MTSS2: variants seen among roughly 807,000 people sequenced by gnomAD.
MTSS2 encodes the protein MTSS I-BAR domain containing 2, also known as protein MTSS 2.
MTSS2 carries 27 observed loss-of-function variants against 67.1 expected under a neutral mutation model. That is an observed-to-expected ratio of 0.40 (90% confidence interval 0.30 to 0.55). The LOEUF (loss-of-function observed/expected upper bound fraction) is 0.55, where lower values mean the gene tolerates loss of function less well. Ranked by LOEUF, MTSS2 falls within the 20% of genes least tolerant of loss-of-function variation. MTSS2 has a pLI of 0.43. For missense variants in MTSS2, 1,171 were observed against 1,067.8 expected, an observed-to-expected ratio of 1.10 and a Z score of -1.35; for synonymous variants, 624 against 468.6, an observed-to-expected ratio of 1.33 and a Z score of -4.28.
Position 70,663,589 on chromosome 16 carries a change from G to A in MTSS2, c.*88C>T, listed in dbSNP as rs538087075. ...CTGCCCTGGCTCTGTCCTCTCTCCT[G>A]GCTGGGCCTTTGCTCTGAGTGCCTG... On this transcript the variant is annotated 3_prime_UTR_variant, in exon 15 of 15. Coordinates refer to ENST00000338779, the MANE Select transcript of MTSS2 (RefSeq NM_138383.3). 6.9e-7 allele frequency: 1 copy of A among 1,454,990 alleles called. No homozygotes were observed. The highest frequency in any genetic ancestry group is 1.5e-5 in the South Asian group (1 of 68,516). 90.1% of individuals were successfully genotyped at this position (1,454,990 alleles called of 1,614,324 possible).
In MTSS2 at chr16:70,661,768, C is replaced by T. The variant is rs537202793; in HGVS notation, c.*1909G>A. ...ACGAGCCCCCCTCTCTGGGTAGCCC[C>T]TGCCTCCTTTCCCATCAGGACCTCT... On this transcript the variant is annotated 3_prime_UTR_variant, in exon 15 of 15. Transcript: ENST00000338779. 1.6e-5 allele frequency: 3 copies of T among 191,494 alleles called. No individual in the cohort carries two copies. The highest frequency in any genetic ancestry group is 3.2e-5 in the Non-Finnish European group (3 of 92,622). 11.9% of individuals were successfully genotyped at this position (191,494 alleles called of 1,614,324 possible).
rs1597813823 is a variant in MTSS2 at position 70,674,297 on chromosome 16, C to T, written c.1053+9G>A. The T allele has an allele frequency of 1.9e-6, 3 of 1,611,544 alleles. No individual in the cohort carries two copies. The highest frequency in any genetic ancestry group is 1.7e-6 in the Non-Finnish European group (2 of 1,178,984). ...CCCACCCTGACTGATCCTCCTAACGCCCCCTCACCTGGCTGGTGATGTCTG... is the reference window on the plus strand; with the variant it reads ...CCCACCCTGACTGATCCTCCTAACGTCCCCTCACCTGGCTGGTGATGTCTG... On this transcript the variant is annotated intron_variant, in intron 11 of 14. Transcript: ENST00000338779.
In MTSS2 at chr16:70,663,935, G is replaced by A. The variant is rs757136499; in HGVS notation, c.1986C>T (p.Asp662=). The stretch of plus-strand genomic sequence containing the variant: ...GGTTGGCCGCCAGCTGCTGCTGCTC[G>A]TCCTCGGCCCCTGCCCCGGGGTACC... ...AAGYPGAGAE[D]EQQQLAANRH... The change falls in exon 15 of 15, where the codon GAC becomes GAT. Residue 662 remains aspartate, a synonymous_variant. Coordinates refer to ENST00000338779, the MANE Select transcript of MTSS2 (RefSeq NM_138383.3). 6.4e-5 allele frequency: 99 copies of A among 1,555,172 alleles called. 1 individual carries two copies. In the East Asian group the frequency reaches 6.4e-4, roughly 10 times the overall value.
intron 1 of MTSS2, among the ~76,000 whole-genome samples, chr16:70,684,311 G>A (rs546886376): frequency 5.3e-5 from 8 of 152,068 alleles, no homozygotes; most frequent in African/African-American, 9.7e-5. Context: ...GGGGGCCAGC[G>A]GAGGGGCCCA....
In MTSS2 at chr16:70,664,942, G is replaced by A. The variant is rs900947997; in HGVS notation, c.1283C>T (p.Ser428Phe). ...SGEEAPRPRM[S>F]PATIAAKHGE... ...TACCTTGGCTGCGATGGTGGCAGGGGACATCCGGGGTCGCGGTGCCTCTTC... is the reference window on the plus strand; with the variant it reads ...TACCTTGGCTGCGATGGTGGCAGGGAACATCCGGGGTCGCGGTGCCTCTTC... Residue 428 changes from serine to phenylalanine, a missense_variant, in exon 13 of 15, where the codon TCC (serine) becomes TTC (phenylalanine). By Grantham distance (155) the Ser-to-Phe change is radical. Coordinates refer to ENST00000338779, the MANE Select transcript of MTSS2 (RefSeq NM_138383.3). 70 of 1,557,604 alleles carry A rather than the reference G, an allele frequency of 4.5e-5. No homozygotes were observed. Among genetic ancestry groups the A allele is most frequent in the Non-Finnish European group, 5.8e-5 (67 of 1,158,298 alleles).
chr16:70,679,651 GC>G lies in MTSS2; in HGVS notation c.435del (p.Lys145AsnfsTer46), dbSNP rs1244021144. 1 of 1,608,778 alleles carries G rather than the reference GC, an allele frequency of 6.2e-7. No homozygotes were observed. The highest frequency in any genetic ancestry group is 8.5e-7 in the Non-Finnish European group (1 of 1,177,886). On this transcript the variant is annotated frameshift_variant, in exon 6 of 15. Coordinates refer to ENST00000338779, the MANE Select transcript of MTSS2 (RefSeq NM_138383.3). LOFTEE classifies it high-confidence loss of function. ...CTACCTTTGCGCGCCTTCTTCTGCA[GC>G]TTCAGCGTGTCCGACGACTTCTTTT... ...EIKKKSSDTL[K>X]LQKKARKELL... is the part of the protein sequence containing the mutation.
At position 70,685,742 on chromosome 16, in the gene MTSS2, G is replaced by A. The variant is rs753588591; in HGVS notation, c.50C>T (p.Ala17Val). Residue 17 changes from alanine to valine, a missense_variant, in exon 1 of 15, where the codon GCC (alanine) becomes GTC (valine). Physicochemically the swap from Ala to Val is moderately conservative, Grantham distance 64 (BLOSUM62 0). This residue lies in a region of MTSS2 where 247 missense variants were observed against 311.8 expected (regional missense o/e 0.79). Transcript: ENST00000338779. ...GGTTACCTTCATGTCGTTGACTATG[G>A]CCTGGAAGAGCCCGCCCAGGGCGCC... ...ECGALGGLFQ[A>V]IVNDMKSSYP... 2.2e-6 allele frequency: 3 copies of A among 1,394,502 alleles called. No homozygotes were observed. Among genetic ancestry groups the A allele is most frequent in the South Asian group, 2.6e-5 (2 of 76,186 alleles). The allele number at this position is 1,394,502 out of a possible 1,614,324, so 86.4% of individuals were successfully genotyped here. A position where few individuals can be genotyped will look rare whatever the true frequency, so the allele number is the denominator to read the frequency against.
intron 11 of MTSS2, 70 bp downstream of exon 11, chr16:70,674,236 T>C: frequency 7.0e-7 from 1 of 1,430,084 alleles, no homozygotes; most frequent in Non-Finnish European, 9.6e-7. Flanking sequence ...TAGTCCCGCA[T>C]GTGGCTTGCC....
chr16:70,678,751 G>A (rs1450890582), intron 7 of MTSS2, among the ~76,000 whole-genome samples: 4 of 152,162 alleles, frequency 2.6e-5, no homozygotes, highest in East Asian at 3.9e-4. Flanking sequence ...CCGGGATGGC[G>A]CCCCTCACCT....
In MTSS2 at chr16:70,678,363, G is replaced by C; in HGVS notation, c.513C>G (p.Val171=). The change falls in exon 8 of 15, where the codon GTC becomes GTG. Residue 171 remains valine (V), a synonymous_variant. Transcript: ENST00000338779. ...CCTCCAGCAGCAGGTACATGTCGTTGACGTCCTGCAGGGCACTGTCCAGCT... is the reference window on the plus strand; with the variant it reads ...CCTCCAGCAGCAGGTACATGTCGTTCACGTCCTGCAGGGCACTGTCCAGCT... ...QPQLDSALQD[V]NDMYLLLEET... 6.2e-7 allele frequency: 1 copy of C among 1,612,978 alleles called. No homozygotes were observed. The highest frequency in any genetic ancestry group is 1.3e-5 in the African/African-American group (1 of 75,076).
chr16:70,674,835 G>C (rs985334244), intron 10 of MTSS2, among the ~76,000 whole-genome samples: 1 of 152,184 alleles, frequency 6.6e-6, no homozygotes, highest in African/African-American at 2.4e-5. Flanking sequence ...TGTCCAGGCT[G>C]GGCACAGTGG....
chr16:70,683,000 G>A (rs575358911), intron 1 of MTSS2, among the ~76,000 whole-genome samples: 2 of 152,332 alleles, frequency 1.3e-5, no homozygotes, highest in South Asian at 2.1e-4. Context: ...AGCACTGAAC[G>A]TCAAGGCTGG....
At chr16:70,666,526 G>A (rs1400211333) in intron 11 of MTSS2, among the ~76,000 whole-genome samples, 1 of 152,252 alleles carries the variant, frequency 6.6e-6, no homozygotes, top group Admixed American at 6.5e-5. Context: ...ACGGTGAGGT[G>A]TTGGCCTGGG....
rs1003245058 is a variant in MTSS2, at chr16:70,663,803, C to T, written c.2118G>A (p.Glu706=). 2.8e-6 allele frequency: 4 copies of T among 1,447,270 alleles called. No homozygotes were observed. The highest frequency in any genetic ancestry group is 3.7e-6 in the Non-Finnish European group (4 of 1,092,626). The allele number at this position is 1,447,270 out of a possible 1,614,324, so 89.7% of individuals were successfully genotyped here. A position where few individuals can be genotyped will look rare whatever the true frequency, so the allele number is the denominator to read the frequency against. The stretch of plus-strand genomic sequence containing the variant: ...TGGCGGCTGGGGGTGGGGTGGGCGT[C>T]TCCTCCGTGGGGGTGGCCGACAGAG... ...PTALSATPTE[E]TPTPPPAATS... The change falls in exon 15 of 15, where the codon GAG becomes GAA. Residue 706 remains glutamate, a synonymous_variant. Transcript: ENST00000338779.
At position 70,661,645 on chromosome 16, in the gene MTSS2, G is replaced by A. The variant is rs1301121430; in HGVS notation, c.*2032C>T. The A allele has an allele frequency of 3.3e-5, 11 of 337,222 alleles. No homozygotes were observed. Among genetic ancestry groups the A allele is most frequent in the Middle Eastern group, 2.1e-3 (2 of 958 alleles). The allele number at this position is 337,222 out of a possible 1,614,324, so 20.9% of individuals were successfully genotyped here. On this transcript the variant is annotated 3_prime_UTR_variant, in exon 15 of 15. Coordinates refer to ENST00000338779, the MANE Select transcript of MTSS2 (RefSeq NM_138383.3). ...GCTAAGTCGACGCAAGGGCGGCGGG[G>A]GTGGTCTCAGGGATGGACAAGGGGA...
At chr16:70,670,257 T>TGA (rs1239610503) in intron 11 of MTSS2, among the ~76,000 whole-genome samples, 1 of 152,118 alleles carries the variant, frequency 6.6e-6, no homozygotes, top group Non-Finnish European at 1.5e-5. Flanking sequence ...GGCAACAGAG[T>TGA]GAGACTCTGT....
At chr16:70,671,264 G>A (rs2052926080) in intron 11 of MTSS2, among the ~76,000 whole-genome samples, 1 of 151,884 alleles carries the variant, frequency 6.6e-6, no homozygotes, top group Non-Finnish European at 1.5e-5. Context: ...TTAGCTGGGT[G>A]TGGTGGTGTG....
In MTSS2 at chr16:70,677,863, G is replaced by A. The variant is rs148677126; in HGVS notation, c.661C>T (p.Leu221=). The A allele has an allele frequency of 2.5e-6, 4 of 1,612,196 alleles. No individual in the cohort carries two copies. The highest frequency in any genetic ancestry group is 1.1e-5 in the South Asian group (1 of 90,382). The change falls in exon 9 of 15, where the codon CTG becomes TTG. Residue 221 remains leucine, a synonymous_variant. Transcript: ENST00000338779. Reference sequence around the variant, plus strand: ...ACCAAGTCGTCGATGATGCCCTGCAGGTGGGTGATCTCTCCCAGCATGGTC... The same window carrying A: ...ACCAAGTCGTCGATGATGCCCTGCAAGTGGGTGATCTCTCCCAGCATGGTC... ...ELTMLGEITH[L]QGIIDDLVVL...
chr16:70,665,243 G>T, intron 12 of MTSS2, 147 bp from the exon 13 acceptor site: 2 of 1,030,064 alleles, frequency 1.9e-6, no homozygotes, highest in Non-Finnish European at 2.8e-6. Flanking sequence ...AGCATGGAGT[G>T]TGACTGTGGC....
Sources: allele counts gnomAD v4.1 joint callset (sites outside exome capture counted in the v4.1 genomes callset), GRCh38; gene constraint gnomAD v4.1.1; regional missense constraint gnomAD v4.1.1; transcripts MANE v1.5; gene names NCBI Gene and HGNC (gene_info 2026-07-23, HGNC 2026-07-21).